C11orf54: variants seen among roughly 807,000 people sequenced by gnomAD.
C11orf54 encodes the protein beta-keto-L-gulonate decarboxylase.
C11orf54 carries 29 observed loss-of-function variants against 35.5 expected under a neutral mutation model. The ratio of observed to expected loss-of-function variants is 0.82; its 90% CI spans 0.61 to 1.11. C11orf54 has a LOEUF of 1.11. C11orf54 is among the 50% of genes most tolerant of loss of function. The probability of loss-of-function intolerance (pLI) is 0.00; values close to 1 mark genes in which losing one functional copy is unlikely to be tolerated. For synonymous variants in C11orf54, 108 were observed against 121.1 expected, an observed-to-expected ratio of 0.89 and a Z score of 0.71; for missense variants, 373 against 369.2, an observed-to-expected ratio of 1.01 and a Z score of -0.08.
At chr11:93,751,721 A>G (rs1591347323) in intron 3 of C11orf54, among the ~76,000 whole-genome samples, 2 of 151,666 alleles carry the variant, frequency 1.3e-5, no homozygotes, top group African/African-American at 4.8e-5. Context: ...TTTTAAAAAT[A>G]TGAGTGTAAT....
At position 93,753,661 on chromosome 11, in the gene C11orf54, TG is replaced by T. The variant is rs1942963520; in HGVS notation, c.155-20del. The stretch of plus-strand genomic sequence containing the variant: ...CTGTTTTTAAGGTGGCTTGTGTTTT[TG>T]TTTTTTGGTTTTTTCTTAGGCATCT... On this transcript the variant is annotated intron_variant, in intron 3 of 8. Transcript: ENST00000354421. The T allele has an allele frequency of 6.2e-7, 1 of 1,612,124 alleles. No individual in the cohort carries two copies. Among genetic ancestry groups the T allele is most frequent in the African/African-American group, 1.3e-5 (1 of 74,938 alleles).
chr11:93,760,599 T>G (rs1943406516), intron 8 of C11orf54, among the ~76,000 whole-genome samples: 1 of 152,204 alleles, frequency 6.6e-6, no homozygotes, highest in Non-Finnish European at 1.5e-5. Context: ...TACTATACGC[T>G]AGAAAAAATA....
Position 93,759,911 on chromosome 11 carries a change from T to G in C11orf54, c.774+53T>G, listed in dbSNP as rs117997839. On this transcript the variant is annotated intron_variant, in intron 8 of 8. Coordinates refer to ENST00000354421, the MANE Select transcript of C11orf54 (RefSeq NM_001286069.2). Reference sequence around the variant, plus strand: ...TACTACAATGATAATGCTTGATTTTTAGGATAATCTTTAAGAACTAGGCAC... The same window carrying G: ...TACTACAATGATAATGCTTGATTTTGAGGATAATCTTTAAGAACTAGGCAC... 2.7e-3 allele frequency: 2,960 copies of G among 1,111,418 alleles called. 98 individuals are homozygous for G. The East Asian group carries it at 0.069, about 26-fold the overall frequency. The allele number at this position is 1,111,418 out of a possible 1,614,324, so 68.8% of individuals were successfully genotyped here. A position where few individuals can be genotyped will look rare whatever the true frequency, so the allele number is the denominator to read the frequency against.
chr11:93,743,655 G>C (rs1056906198), intron 1 of C11orf54, among the ~76,000 whole-genome samples: 9 of 152,320 alleles, frequency 5.9e-5, no homozygotes, highest in African/African-American at 2.2e-4. Context: ...GGATGCCCGC[G>C]ACCCCTGAAG....
At chr11:93,760,146 C>T (rs11600142) in intron 8 of C11orf54, among the ~76,000 whole-genome samples, 1 of 152,092 alleles carries the variant, frequency 6.6e-6, no homozygotes, top group Non-Finnish European at 1.5e-5. Context: ...GGTTTCACCA[C>T]GTTGGTCAGG....
At chr11:93,757,729 A>T (rs1052035681) in intron 7 of C11orf54, among the ~76,000 whole-genome samples, 2 of 152,136 alleles carry the variant, frequency 1.3e-5, no homozygotes, top group Non-Finnish European at 2.9e-5. Flanking sequence ...AGGTTTTGCC[A>T]CATTGGCCAG....
intron 2 of C11orf54, 93 bp downstream of exon 2, chr11:93,747,541 ATGTATATC>A: frequency 2.0e-6 from 1 of 494,082 alleles, no homozygotes; most frequent in Non-Finnish European, 3.3e-6. Flanking sequence ...CTTACTACTT[ATGTATATC>A]TATATCTTAC....
chr11:93,763,969 CAA>C lies in C11orf54; in HGVS notation c.*2283_*2284del, dbSNP rs1217784547. On this transcript the variant is annotated 3_prime_UTR_variant, in exon 9 of 9. Coordinates refer to ENST00000354421, the MANE Select transcript of C11orf54 (RefSeq NM_001286069.2). ...TGTGGTTTGAATTTCCCACTGGTAT[CAA>C]AGAAGGAAACACCCAGGCTTGCTTG... 1 of 152,118 alleles carries C rather than the reference CAA, an allele frequency of 6.6e-6. No individual in the cohort carries two copies. Among genetic ancestry groups the C allele is most frequent in the African/African-American group, 2.4e-5 (1 of 41,398 alleles). 9.4% of individuals were successfully genotyped at this position (152,118 alleles called of 1,614,324 possible).
chr11:93,762,734 G>A lies in C11orf54; in HGVS notation c.*1046G>A, dbSNP rs757408615. The stretch of plus-strand genomic sequence containing the variant: ...ATTTCACTGGTTATTTGCAAGAGAA[G>A]GGGTAAAAAAACAGCATCAGAGTGC... On this transcript the variant is annotated 3_prime_UTR_variant, in exon 9 of 9. Coordinates refer to ENST00000354421, the MANE Select transcript of C11orf54 (RefSeq NM_001286069.2). 7.9e-5 allele frequency: 12 copies of A among 151,406 alleles called. No individual in the cohort carries two copies. Among genetic ancestry groups the A allele is most frequent in the Admixed American group, 2.0e-4 (3 of 15,268 alleles). The allele number at this position is 151,406 out of a possible 1,614,324, so 9.4% of individuals were successfully genotyped here. A position where few individuals can be genotyped will look rare whatever the true frequency, so the allele number is the denominator to read the frequency against.
chr11:93,741,862 G>A lies in C11orf54; in HGVS notation c.-98+134G>A, dbSNP rs981986023. 3 of 218,030 alleles carry A rather than the reference G, an allele frequency of 1.4e-5. No homozygotes were observed. The Admixed American group carries it at 1.6e-4, about 12-fold the overall frequency. The allele number at this position is 218,030 out of a possible 1,614,324, so 13.5% of individuals were successfully genotyped here. A position where few individuals can be genotyped will look rare whatever the true frequency, so the allele number is the denominator to read the frequency against. On this transcript the variant is annotated intron_variant, in intron 1 of 8. Transcript: ENST00000354421. Reference sequence around the variant, plus strand: ...CCGGTGGTCTCGCGTTTGCTGAGCTGTCGCCTGGCTTTCTAAATCTGGTCC... The same window carrying A: ...CCGGTGGTCTCGCGTTTGCTGAGCTATCGCCTGGCTTTCTAAATCTGGTCC...
chr11:93,750,591 C>T (rs1942761998), intron 3 of C11orf54, 147 bp downstream of exon 3: 1 of 630,704 alleles, frequency 1.6e-6, no homozygotes, highest in Admixed American at 2.9e-5. Flanking sequence ...TCTGTGCTCA[C>T]TCTTCTGATA....
intron 3 of C11orf54, among the ~76,000 whole-genome samples, chr11:93,752,910 C>G (rs1002273588): frequency 6.6e-6 from 1 of 152,066 alleles, no homozygotes; most frequent in East Asian, 1.9e-4. Flanking sequence ...GTACGCCCGG[C>G]TAATTTTTTG....
chr11:93,759,511 G>C (rs1442661002), intron 7 of C11orf54, among the ~76,000 whole-genome samples: 1 of 152,140 alleles, frequency 6.6e-6, no homozygotes, highest in East Asian at 1.9e-4. Context: ...TGGGGGACTA[G>C]GGGAGGGATA....
chr11:93,755,889 G>T (rs140828213), intron 6 of C11orf54, among the ~76,000 whole-genome samples: 1 of 152,016 alleles, frequency 6.6e-6, no homozygotes, highest in East Asian at 1.9e-4. Context: ...CTGGAGGCCA[G>T]ACGCGGTGGC....
At position 93,759,302 on chromosome 11, in the gene C11orf54, A is replaced by T. The variant is rs180807436; in HGVS notation, c.658-440A>T. ...AAATGTGGTACATATACACCATGGAATACTATGCAGCCATAAAAAAGGATG... is the reference window on the plus strand; with the variant it reads ...AAATGTGGTACATATACACCATGGATTACTATGCAGCCATAAAAAAGGATG... On this transcript the variant is annotated intron_variant, in intron 7 of 8. Coordinates refer to ENST00000354421, the MANE Select transcript of C11orf54 (RefSeq NM_001286069.2). Among the ~76,000 whole-genome samples, 12 of 152,370 alleles carry T rather than the reference A, an allele frequency of 7.9e-5. 1 individual carries two copies. Among genetic ancestry groups the T allele is most frequent in the Admixed American group, 5.2e-4 (8 of 15,306 alleles).
chr11:93,755,437 A>G, intron 6 of C11orf54, 51 bp downstream of exon 6: 1 of 1,564,832 alleles, frequency 6.4e-7, no homozygotes, highest in South Asian at 1.1e-5. Flanking sequence ...TCAGAAAGCT[A>G]AAAATGTGAA....
At chr11:93,748,354 C>T (rs1449903288) in intron 2 of C11orf54, among the ~76,000 whole-genome samples, 2 of 152,004 alleles carry the variant, frequency 1.3e-5, no homozygotes, top group Admixed American at 6.5e-5. Context: ...TGCTCTGTTG[C>T]CCAGGATGCT....
At position 93,750,380 on chromosome 11, in the gene C11orf54, T is replaced by A. The variant is rs1942751668; in HGVS notation, c.90T>A (p.Asp30Glu). 6.2e-7 allele frequency: 1 copy of A among 1,613,744 alleles called. No homozygotes were observed. The change falls in exon 3 of 9, where the codon GAT (aspartate) becomes GAA (glutamate). Residue 30 changes from aspartate to glutamate, a missense_variant. Asp to Glu is a conservative substitution (Grantham distance 45, BLOSUM62 2). Transcript: ENST00000354421. The stretch of plus-strand genomic sequence containing the variant: ...AGGGGTTAAAAGATAACTTTGCTGA[T>A]GTCCAGGTCTCTGTAGTTGATTGCC... ...MQKGLKDNFA[D>E]VQVSVVDCPD... is the part of the protein sequence containing the mutation.
chr11:93,756,489 TAAAA>T (rs5793655), intron 6 of C11orf54, among the ~76,000 whole-genome samples: 1 of 137,202 alleles, frequency 7.3e-6, no homozygotes. Context: ...AGACCTGTCT[TAAAA>T]AAAAAAAAAA....
Sources: gnomAD v4.1 joint callset for allele counts (sites outside exome capture counted in the v4.1 genomes callset) on GRCh38, gnomAD v4.1.1 for gene constraint, MANE v1.5 for transcripts, NCBI Gene and HGNC (gene_info 2026-07-23, HGNC 2026-07-21) for gene names.